The following TP63 variants were observed in gnomAD, a reference collection of about 807,000 sequenced individuals.
TP63 encodes tumor protein 63.
TP63 carries 17 observed loss-of-function variants against 82.8 expected under a neutral mutation model. The ratio of observed to expected loss-of-function variants is 0.21; its 90% CI spans 0.14 to 0.31. The LOEUF is 0.31. Ranked by LOEUF, TP63 falls within the 10% of genes least tolerant of loss-of-function variation. The probability of loss-of-function intolerance (pLI) is 1.00; values close to 1 mark genes in which losing one functional copy is unlikely to be tolerated. For synonymous variants in TP63, 330 were observed against 321.7 expected (o/e 1.03, Z -0.28); for missense variants, 648 against 895.3 (o/e 0.72, Z 3.52).
intron 1 of TP63, among the ~76,000 whole-genome samples, chr3:189,653,824 G>A (rs1425330193): frequency 6.6e-6 from 1 of 152,128 alleles, no homozygotes; most frequent in Non-Finnish European, 1.5e-5. Flanking sequence ...AAAGGTGCTT[G>A]TCTAGTTTTC....
the TP63 span, among the ~76,000 whole-genome samples, chr3:189,602,065 T>C: frequency 6.6e-6 from 1 of 152,222 alleles, no homozygotes; most frequent in Non-Finnish European, 1.5e-5. Flanking sequence ...CTTCTGCCAC[T>C]GATCAACTGT....
intron 3 of TP63, among the ~76,000 whole-genome samples, chr3:189,786,149 C>T (rs1243829820): frequency 6.6e-6 from 1 of 151,750 alleles, no homozygotes; most frequent in Non-Finnish European, 1.5e-5. Context: ...ATATATTATT[C>T]GATAAATAAT....
chr3:189,633,274 A>G (rs937608742), intron 1 of TP63, among the ~76,000 whole-genome samples: 1 of 151,854 alleles, frequency 6.6e-6, no homozygotes, highest in African/African-American at 2.4e-5. Context: ...CAAGTTTGTT[A>G]TACAGGTAAA....
chr3:189,699,164 C>T (rs1399375382), intron 1 of TP63, among the ~76,000 whole-genome samples: 2 of 152,042 alleles, frequency 1.3e-5, no homozygotes, highest in African/African-American at 2.4e-5. Flanking sequence ...AAGTGTTCCA[C>T]GCTTACTGCC....
At chr3:189,810,004 T>A (rs1040400120) in intron 4 of TP63, among the ~76,000 whole-genome samples, 3 of 152,166 alleles carry the variant, frequency 2.0e-5, no homozygotes, top group Non-Finnish European at 4.4e-5. Flanking sequence ...TCTCCCAAAA[T>A]TGTCTAAAAA....
At chr3:189,739,010 T>G in intron 3 of TP63, 1 of 575,018 alleles carries the variant, frequency 1.7e-6, no homozygotes, top group Non-Finnish European at 3.0e-6. Context: ...ATTCTTTACA[T>G]CTTTTATCTT....
rs866307111 is a variant in TP63, at chr3:189,729,215, A to G, written c.63-8525A>G. 5.9e-5 allele frequency among the ~76,000 whole-genome samples: 9 copies of G among 152,322 alleles called. No homozygotes were observed. The Middle Eastern group carries it at 0.01, about 173-fold the overall frequency. ...ACCTTTAAGGAAGAAATTGGTTAGG[A>G]TAAAGAATGGGCCACAAAACATAAG... On this transcript the variant is annotated intron_variant, in intron 1 of 13. Coordinates refer to ENST00000264731, the MANE Select transcript of TP63 (RefSeq NM_003722.5).
chr3:189,617,528 A>C, the TP63 span, among the ~76,000 whole-genome samples: 1 of 152,182 alleles, frequency 6.6e-6, no homozygotes, highest in South Asian at 2.1e-4. Context: ...TTGAGGTTGC[A>C]AAAGTCTACA....
chr3:189,791,304 A>T (rs914024777), intron 3 of TP63, among the ~76,000 whole-genome samples: 1 of 152,246 alleles, frequency 6.6e-6, no homozygotes, highest in East Asian at 1.9e-4. Flanking sequence ...CTGTTCATTG[A>T]TATCTCTAAG....
At chr3:189,739,868 G>T (rs1416009522) in intron 3 of TP63, among the ~76,000 whole-genome samples, 1 of 151,834 alleles carries the variant, frequency 6.6e-6, no homozygotes, top group Non-Finnish European at 1.5e-5. Flanking sequence ...ACTAGTGGGG[G>T]GAAGCTAGAC....
rs570433110 is a variant in TP63 at position 189,647,774 on chromosome 3, A to G, written c.62+16197A>G. Among the ~76,000 whole-genome samples, 33 of 147,134 alleles carry G rather than the reference A, an allele frequency of 2.2e-4. 4 individuals carry two copies. Among genetic ancestry groups the G allele is most frequent in the African/African-American group, 8.1e-4 (32 of 39,348 alleles). ...ACAAACCTCTACCCTGCCTTCTCCC[A>G]TCCATCGCTATAGATGTTTCCATGA... is the stretch of plus-strand genomic sequence containing the variant. On this transcript the variant is annotated intron_variant, in intron 1 of 13. Coordinates refer to ENST00000264731, the MANE Select transcript of TP63 (RefSeq NM_003722.5).
Position 189,889,440 on chromosome 3 carries a change from C to T in TP63, c.1608C>T (p.His536=), listed in dbSNP as rs768312639. The part of the protein sequence containing the change: ...PPPLSMPSTS[H]CTPPPPYPTD... ...CACTCTCCATGCCATCCACCTCCCA[C>T]TGCACACCCCCACCTCCGTATCCCA... The change falls in exon 12 of 14, where the codon CAC becomes CAT. Residue 536 remains histidine (H), a synonymous_variant. Transcript: ENST00000264731. 6.8e-6 allele frequency: 11 copies of T among 1,614,144 alleles called. No homozygotes were observed. The East Asian group carries it at 2.0e-4, about 29-fold the overall frequency.
At chr3:189,661,614 T>C (rs1430010508) in intron 1 of TP63, among the ~76,000 whole-genome samples, 1 of 152,128 alleles carries the variant, frequency 6.6e-6, no homozygotes, top group African/African-American at 2.4e-5. Context: ...GAGTCCCTCA[T>C]GCTTGATTTT....
intron 3 of TP63, among the ~76,000 whole-genome samples, chr3:189,760,203 T>C (rs1172313891): frequency 6.6e-6 from 1 of 152,174 alleles, no homozygotes; most frequent in Non-Finnish European, 1.5e-5. Flanking sequence ...AAACCAATCA[T>C]GCCTTCCCAA....
intron 1 of TP63, among the ~76,000 whole-genome samples, chr3:189,729,902 G>A (rs1720038434): frequency 6.6e-6 from 1 of 152,158 alleles, no homozygotes; most frequent in Non-Finnish European, 1.5e-5. Flanking sequence ...GTATTCTTTG[G>A]CATCCTCAAA....
At chr3:189,815,555 AAG>A (rs1268396647) in intron 4 of TP63, among the ~76,000 whole-genome samples, 1 of 152,156 alleles carries the variant, frequency 6.6e-6, no homozygotes, top group Non-Finnish European at 1.5e-5. Flanking sequence ...TAATTTTTAA[AAG>A]AGTAACTAGA....
intron 4 of TP63, among the ~76,000 whole-genome samples, chr3:189,854,781 A>G (rs1312425490): frequency 6.6e-6 from 1 of 152,246 alleles, no homozygotes; most frequent in Non-Finnish European, 1.5e-5. Flanking sequence ...TCCTATCTAT[A>G]GGGGAACATC....
rs1310311190 is a variant in TP63 at position 189,738,681 on chromosome 3, G to A, written c.231G>A (p.Val77=). 1.2e-6 allele frequency: 2 copies of A among 1,614,124 alleles called. No individual in the cohort carries two copies. Among genetic ancestry groups the A allele is most frequent in the Non-Finnish European group, 1.7e-6 (2 of 1,180,008 alleles). The change falls in exon 3 of 14, where the codon GTG becomes GTA. Residue 77 remains valine, a synonymous_variant. Transcript: ENST00000264731. The stretch of plus-strand genomic sequence containing the variant: ...TTCAGCCCATTGACTTGAACTTTGT[G>A]GATGAACCATCAGAAGATGGTGCGA... ...CSVQPIDLNF[V]DEPSEDGATN... is the part of the protein sequence containing the mutation.
intron 1 of TP63, among the ~76,000 whole-genome samples, chr3:189,737,496 G>A (rs1427750008): frequency 6.6e-6 from 1 of 152,092 alleles, no homozygotes; most frequent in Non-Finnish European, 1.5e-5. Flanking sequence ...AGTTAGGAAA[G>A]GAGAGCTTTG....
Sources: allele counts gnomAD v4.1 joint callset (sites outside exome capture counted in the v4.1 genomes callset), GRCh38; gene constraint gnomAD v4.1.1; transcripts MANE v1.5; gene names NCBI Gene and HGNC (gene_info 2026-07-23, HGNC 2026-07-21).